Variants in PRKN observed in about 807,000 individuals in gnomAD.
PRKN encodes the protein E3 ubiquitin-protein ligase parkin.
A neutral mutation model predicts 59.5 loss-of-function variants in PRKN; 56 were observed. The ratio of observed to expected loss-of-function variants is 0.94; its 90% CI spans 0.76 to 1.18. The LOEUF is 1.18. Among genes scored for constraint, PRKN ranks in the 50% most tolerant of loss-of-function variants. PRKN has a pLI of 0.00. For synonymous variants in PRKN, 250 were observed against 222.1 expected, an observed-to-expected ratio of 1.13 and a Z score of -1.12; for missense variants, 657 against 596.4, an observed-to-expected ratio of 1.10 and a Z score of -1.06.
At chr6:162,397,633 A>C (rs893843668) in intron 2 of PRKN, among the ~76,000 whole-genome samples, 4 of 152,178 alleles carry the variant, frequency 2.6e-5, no homozygotes, top group African/African-American at 7.2e-5. Flanking sequence ...AGCAGCGTTA[A>C]GGAGGTCTAG....
At chr6:162,297,055 G>A (rs1781707423) in intron 2 of PRKN, among the ~76,000 whole-genome samples, 1 of 152,080 alleles carries the variant, frequency 6.6e-6, no homozygotes. Context: ...AACTAGAAAA[G>A]GCCCAGTCGA....
intron 2 of PRKN, among the ~76,000 whole-genome samples, chr6:162,362,252 GA>G (rs1490052444): frequency 6.6e-6 from 1 of 152,050 alleles, no homozygotes; most frequent in Non-Finnish European, 1.5e-5. Context: ...ATCATCTCAA[GA>G]ATGTTTTCGT....
intron 6 of PRKN, among the ~76,000 whole-genome samples, chr6:161,950,329 G>A (rs1052492128): frequency 2.2e-4 from 34 of 152,128 alleles, no homozygotes; most frequent in African/African-American, 7.5e-4. Context: ...CAGATCTCCT[G>A]AGGTCAGGAG....
At chr6:162,681,151 T>A (rs1779754300) in intron 1 of PRKN, among the ~76,000 whole-genome samples, 1 of 152,108 alleles carries the variant, frequency 6.6e-6, no homozygotes, top group Non-Finnish European at 1.5e-5. Flanking sequence ...CTTTTCTTCA[T>A]GAAAAATCGT....
Position 161,706,702 on chromosome 6 carries a change from C to T in PRKN, c.871+79070G>A, listed in dbSNP as rs141535567. Among the ~76,000 whole-genome samples, 144 of 152,246 alleles carry T rather than the reference C, an allele frequency of 9.5e-4. 1 individual carries two copies. The highest frequency in any genetic ancestry group is 3.4e-3 in the Middle Eastern group (1 of 294). ...CCTCCTGAGGAGCTGGGATTACAGGCGTGTACCACCACACACAGCTAATTT... is the reference window on the plus strand; with the variant it reads ...CCTCCTGAGGAGCTGGGATTACAGGTGTGTACCACCACACACAGCTAATTT... On this transcript the variant is annotated intron_variant, in intron 7 of 11. Coordinates refer to ENST00000366898, the MANE Select transcript of PRKN (RefSeq NM_004562.3).
rs1187961831 is a variant in PRKN at position 161,874,988 on chromosome 6, C to A, written c.735-89080G>T. ...AATATATAATTTATTATATTATATA[C>A]TTTATATATAATATATTATATATTA... On this transcript the variant is annotated intron_variant, in intron 6 of 11. Coordinates refer to ENST00000366898, the MANE Select transcript of PRKN (RefSeq NM_004562.3). 5.2e-4 allele frequency among the ~76,000 whole-genome samples: 27 copies of A among 51,908 alleles called. No individual in the cohort carries two copies. In the East Asian group the frequency reaches 6.0e-3, roughly 12 times the overall value. The allele number at this position is 51,908 out of a possible 152,430, so 34.1% of individuals were successfully genotyped here. A position where few individuals can be genotyped will look rare whatever the true frequency, so the allele number is the denominator to read the frequency against.
Position 161,386,685 on chromosome 6 carries a change from C to T in PRKN, c.1167+109G>A. On this transcript the variant is annotated intron_variant, in intron 10 of 11. Transcript: ENST00000366898. The surrounding 1 kb of genome is among the most constrained non-coding windows in gnomAD (Gnocchi z 4.3). Reference sequence around the variant, plus strand: ...ATTCCCATGGCTGTCAGCTACCAGTCTGCTTCTTGCTTTTTTAGAATGGAA... The same window carrying T: ...ATTCCCATGGCTGTCAGCTACCAGTTTGCTTCTTGCTTTTTTAGAATGGAA... The T allele has an allele frequency of 2.3e-6, 2 of 876,020 alleles. No individual in the cohort carries two copies. The highest frequency in any genetic ancestry group is 3.9e-6 in the Non-Finnish European group (2 of 511,038). 54.3% of individuals were successfully genotyped at this position (876,020 alleles called of 1,614,324 possible).
chr6:161,887,286 A>G (rs1249180089), intron 6 of PRKN, among the ~76,000 whole-genome samples: 2 of 152,220 alleles, frequency 1.3e-5, no homozygotes, highest in African/African-American at 2.4e-5. Context: ...TATTCACTCA[A>G]TGTATGACTT....
At chr6:161,700,978 G>C (rs1005088593) in intron 7 of PRKN, among the ~76,000 whole-genome samples, 1 of 152,166 alleles carries the variant, frequency 6.6e-6, no homozygotes, top group Non-Finnish European at 1.5e-5. Context: ...TGTCTGTATA[G>C]ATATAGCATA....
intron 1 of PRKN, among the ~76,000 whole-genome samples, chr6:162,465,238 C>T (rs1158882923): frequency 6.6e-6 from 1 of 152,224 alleles, no homozygotes; most frequent in Non-Finnish European, 1.5e-5. Context: ...GTTAGCTTAT[C>T]TCTCAACTAG....
intron 1 of PRKN, among the ~76,000 whole-genome samples, chr6:162,664,732 G>T (rs1562480562): frequency 6.6e-6 from 1 of 150,622 alleles, no homozygotes; most frequent in Non-Finnish European, 1.5e-5. Flanking sequence ...TTTTGATGCT[G>T]TTTTTTTTTC....
intron 1 of PRKN, among the ~76,000 whole-genome samples, chr6:162,608,018 TC>T (rs1781993635): frequency 6.6e-6 from 1 of 152,198 alleles, no homozygotes; most frequent in Non-Finnish European, 1.5e-5. Flanking sequence ...GGCGTCTTTC[TC>T]CAACATCTTG....
chr6:162,545,521 C>T (rs1334034467), intron 1 of PRKN, among the ~76,000 whole-genome samples: 1 of 152,060 alleles, frequency 6.6e-6, no homozygotes, highest in African/African-American at 2.4e-5. Flanking sequence ...TGCCCAATTC[C>T]CATCAGGCAT....
intron 6 of PRKN, among the ~76,000 whole-genome samples, chr6:161,832,124 T>C (rs1325007752): frequency 1.3e-5 from 2 of 152,234 alleles, no homozygotes; most frequent in Admixed American, 6.5e-5. Flanking sequence ...TTATTTACTC[T>C]TGACACTTTT....
At chr6:162,373,257 G>A (rs1321659124) in intron 2 of PRKN, among the ~76,000 whole-genome samples, 1 of 152,142 alleles carries the variant, frequency 6.6e-6, no homozygotes, top group Admixed American at 6.6e-5. Flanking sequence ...TTTCTTTTGA[G>A]AAAAATTTGG....
At chr6:162,254,003 G>T (rs1388243633) in intron 3 of PRKN, among the ~76,000 whole-genome samples, 1 of 152,098 alleles carries the variant, frequency 6.6e-6, no homozygotes, top group Non-Finnish European at 1.5e-5. Context: ...CTAAGCTATC[G>T]CTCTAGATTA....
rs1445377342 is a variant in PRKN, at chr6:162,463,077, C to A, written c.8-19604G>T. 2.7e-5 allele frequency among the ~76,000 whole-genome samples: 4 copies of A among 147,386 alleles called. No homozygotes were observed. In the East Asian group the frequency reaches 7.9e-4, roughly 29 times the overall value. ...GAGTGAGACTCCGTCTCAAAAAAAA[C>A]AATTAAAAATTAAAAACGAAAAAAA... On this transcript the variant is annotated intron_variant, in intron 1 of 11. Transcript: ENST00000366898.
Position 161,381,841 on chromosome 6 carries a change from A to G in PRKN, c.1167+4953T>C, listed in dbSNP as rs1315686873. Among the ~76,000 whole-genome samples, 5 of 152,056 alleles carry G rather than the reference A, an allele frequency of 3.3e-5. No individual in the cohort carries two copies. The East Asian group carries it at 9.7e-4, about 30-fold the overall frequency. On this transcript the variant is annotated intron_variant, in intron 10 of 11. Coordinates refer to ENST00000366898, the MANE Select transcript of PRKN (RefSeq NM_004562.3). ...AGCCCAGACTTTTTAGGCCGGGCGC[A>G]GTGGCTCATGCCTGTAATCCCAGCA...
chr6:162,720,007 C>T (rs1350099603), intron 1 of PRKN, among the ~76,000 whole-genome samples: 1 of 152,036 alleles, frequency 6.6e-6, no homozygotes, highest in Non-Finnish European at 1.5e-5. Context: ...CAGGTGTCTA[C>T]TTCCTATCAT....
Sources: gnomAD v4.1 joint callset for allele counts (sites outside exome capture counted in the v4.1 genomes callset) on GRCh38, gnomAD v4.1.1 for gene constraint, Gnocchi (gnomAD v3.1) non-coding constraint, MANE v1.5 for transcripts, NCBI Gene and HGNC (gene_info 2026-07-23, HGNC 2026-07-21) for gene names.